Variants in CCDC91 observed in about 807,000 individuals in gnomAD.
CCDC91 encodes the protein coiled-coil domain containing 91.
In CCDC91, 48 loss-of-function variants were observed where a neutral mutation model predicts 63.2. The observed-to-expected ratio is 0.76, with a 90% confidence interval of 0.60 to 0.97. The LOEUF is 0.97. CCDC91 is among the 50% of genes least tolerant of loss of function. CCDC91 has a pLI of 0.00. For synonymous variants in CCDC91, 167 were observed against 165.8 expected (o/e 1.01, Z -0.06); for missense variants, 500 against 494.6 (o/e 1.01, Z -0.10).
At chr12:28,337,129 T>C (rs1176153895) in intron 6 of CCDC91, among the ~76,000 whole-genome samples, 1 of 152,108 alleles carries the variant, frequency 6.6e-6, no homozygotes, top group Non-Finnish European at 1.5e-5. Flanking sequence ...CAGTTAGAAA[T>C]CATTAATTTC....
intron 3 of CCDC91, among the ~76,000 whole-genome samples, chr12:28,273,999 T>C (rs1053942839): frequency 2.6e-5 from 4 of 152,192 alleles, no homozygotes; most frequent in African/African-American, 9.7e-5. Context: ...CTTTAATCCA[T>C]CTTGAATTAA....
intron 1 of CCDC91, among the ~76,000 whole-genome samples, chr12:28,216,923 C>T (rs1430273799): frequency 3.3e-5 from 5 of 152,080 alleles, no homozygotes; most frequent in African/African-American, 7.2e-5. Context: ...GAGAATTGCA[C>T]TTACACTTAA....
At chr12:28,500,638 A>T (rs1430129141) in intron 12 of CCDC91, among the ~76,000 whole-genome samples, 2 of 151,750 alleles carry the variant, frequency 1.3e-5, no homozygotes, top group Non-Finnish European at 2.9e-5. Context: ...ACCGTTACCA[A>T]GTTTTGAGTC....
At chr12:28,530,906 A>G (rs1941679683) in intron 12 of CCDC91, among the ~76,000 whole-genome samples, 2 of 152,154 alleles carry the variant, frequency 1.3e-5, no homozygotes, top group South Asian at 4.1e-4. Context: ...CAACAGTGTT[A>G]TGCCAGTTAT....
intron 3 of CCDC91, among the ~76,000 whole-genome samples, chr12:28,284,520 C>T (rs1471059604): frequency 6.6e-6 from 1 of 151,872 alleles, no homozygotes; most frequent in Admixed American, 6.6e-5. Flanking sequence ...GGTGTGGTGG[C>T]ACATGCCTGT....
intron 12 of CCDC91, among the ~76,000 whole-genome samples, chr12:28,496,310 T>C (rs1952277042): frequency 6.6e-6 from 1 of 151,800 alleles, no homozygotes; most frequent in East Asian, 1.9e-4. Context: ...TGGATACTTC[T>C]ATTATCATCG....
rs551166103 is a variant in CCDC91, at chr12:28,338,311, A to G, written c.577-24127A>G. On this transcript the variant is annotated intron_variant, in intron 6 of 12. Coordinates refer to ENST00000536442, the MANE Select transcript of CCDC91 (RefSeq NM_018318.5). The stretch of plus-strand genomic sequence containing the variant: ...CAGACTTTCCCCTAAACTCACCCCC[A>G]TAGTGTTTTTTTTTTTTATTATTAT... Among the ~76,000 whole-genome samples, 626 of 132,096 alleles carry G rather than the reference A, an allele frequency of 4.7e-3. 7 individuals carry two copies. The highest frequency in any genetic ancestry group is 7.5e-3 in the Non-Finnish European group (467 of 62,320). 86.7% of individuals were successfully genotyped at this position (132,096 alleles called of 152,430 possible).
At chr12:28,301,494 A>G (rs1223765059) in intron 3 of CCDC91, among the ~76,000 whole-genome samples, 1 of 151,520 alleles carries the variant, frequency 6.6e-6, no homozygotes, top group African/African-American at 2.4e-5. Context: ...ATACTTCATT[A>G]TAAGTGATAC....
intron 3 of CCDC91, among the ~76,000 whole-genome samples, chr12:28,278,346 C>A (rs1322312466): frequency 6.6e-6 from 1 of 151,952 alleles, no homozygotes; most frequent in Non-Finnish European, 1.5e-5. Flanking sequence ...TGTCCTTGAT[C>A]CTTTTATATT....
At chr12:28,279,936 A>G (rs1490839465) in intron 3 of CCDC91, among the ~76,000 whole-genome samples, 3 of 152,158 alleles carry the variant, frequency 2.0e-5, no homozygotes, top group Non-Finnish European at 4.4e-5. Flanking sequence ...TGTGGTCTAA[A>G]ATATGATAAC....
chr12:28,331,716 G>A (rs1400268661), intron 6 of CCDC91, among the ~76,000 whole-genome samples: 2 of 152,130 alleles, frequency 1.3e-5, no homozygotes, highest in Admixed American at 6.6e-5. Context: ...TAGTAAGCAT[G>A]CCTTTAAAAT....
intron 12 of CCDC91, among the ~76,000 whole-genome samples, chr12:28,526,258 T>C (rs905010683): frequency 1.3e-5 from 2 of 152,148 alleles, no homozygotes; most frequent in Admixed American, 1.3e-4. Flanking sequence ...TTTCAAGATT[T>C]AGAGCTCCTT....
intron 3 of CCDC91, among the ~76,000 whole-genome samples, chr12:28,296,084 G>A (rs533931082): frequency 4.0e-5 from 6 of 151,436 alleles, no homozygotes; most frequent in African/African-American, 1.5e-4. Context: ...GGATGCTGTG[G>A]TATTTTCTTG....
At chr12:28,409,839 G>T (rs964724295) in intron 8 of CCDC91, among the ~76,000 whole-genome samples, 3 of 151,720 alleles carry the variant, frequency 2.0e-5, no homozygotes, top group Non-Finnish European at 4.4e-5. Flanking sequence ...AAATATGTCG[G>T]TGTTTTTCAG....
At chr12:28,204,229 T>C (rs1942678990) in intron 1 of CCDC91, among the ~76,000 whole-genome samples, 1 of 152,232 alleles carries the variant, frequency 6.6e-6, no homozygotes, top group Non-Finnish European at 1.5e-5. Context: ...AATGTAGCTG[T>C]ATTGCATCTT....
chr12:28,513,776 C>T (rs1266477822), intron 12 of CCDC91, among the ~76,000 whole-genome samples: 1 of 151,792 alleles, frequency 6.6e-6, no homozygotes, highest in East Asian at 1.9e-4. Flanking sequence ...ATTCATGTTC[C>T]TCCAAAGAGC....
At chr12:28,489,359 A>G (rs1253199432) in intron 12 of CCDC91, among the ~76,000 whole-genome samples, 1 of 151,926 alleles carries the variant, frequency 6.6e-6, no homozygotes, top group Non-Finnish European at 1.5e-5. Flanking sequence ...GGGAAAGAAT[A>G]CATCCCTGAC....
At chr12:28,414,936 A>G (rs1947545068) in intron 8 of CCDC91, among the ~76,000 whole-genome samples, 2 of 152,188 alleles carry the variant, frequency 1.3e-5, no homozygotes, top group African/African-American at 2.4e-5. Context: ...CTCTTGTTTA[A>G]TGCATTAACA....
intron 3 of CCDC91, among the ~76,000 whole-genome samples, chr12:28,278,715 A>G (rs1253857036): frequency 6.6e-6 from 1 of 151,888 alleles, no homozygotes; most frequent in African/African-American, 2.4e-5. Context: ...TGGTTTCATG[A>G]CTCTGTAGCT....
Sources: allele counts gnomAD v4.1 joint callset (sites outside exome capture counted in the v4.1 genomes callset), GRCh38; gene constraint gnomAD v4.1.1; transcripts MANE v1.5; gene names NCBI Gene and HGNC (gene_info 2026-07-23, HGNC 2026-07-21).